The following ACSM1 variants were observed in gnomAD, a reference collection of about 807,000 sequenced individuals.
ACSM1 encodes acyl-CoA synthetase medium chain family member 1.
ACSM1 carries 79 observed loss-of-function variants against 75.8 expected under a neutral mutation model. The observed-to-expected ratio is 1.04, with a 90% CI of 0.87 to 1.26. The LOEUF is 1.26. ACSM1 is among the 50% of genes most tolerant of loss of function. ACSM1 has a pLI of 0.00. For missense variants in ACSM1, 676 were observed against 720.1 expected, an observed-to-expected ratio of 0.94 and a Z score of 0.70; for synonymous variants, 279 against 265.8, an observed-to-expected ratio of 1.05 and a Z score of -0.48.
chr16:20,646,889 CCT>C (rs1447031304), intron 7 of ACSM1, among the ~76,000 whole-genome samples: 1 of 152,224 alleles, frequency 6.6e-6, no homozygotes, highest in Non-Finnish European at 1.5e-5. Flanking sequence ...GAATATACTT[CCT>C]CCAATTCCTG....
intron 7 of ACSM1, among the ~76,000 whole-genome samples, chr16:20,652,333 T>C (rs2152239597): frequency 6.6e-6 from 1 of 152,110 alleles, no homozygotes; most frequent in East Asian, 1.9e-4. Flanking sequence ...GTAAAATATC[T>C]TTGTCTAATT....
At chr16:20,636,657 G>A in intron 10 of ACSM1, 82 bp downstream of exon 10, 2 of 943,920 alleles carry the variant, frequency 2.1e-6, no homozygotes, top group East Asian at 4.8e-5. Context: ...GCAAATAAAA[G>A]AGGACTTGAA....
chr16:20,625,995 G>C (rs2016900125), intron 11 of ACSM1, among the ~76,000 whole-genome samples: 1 of 152,222 alleles, frequency 6.6e-6, no homozygotes, highest in Middle Eastern at 3.4e-3. Flanking sequence ...CATATCCATC[G>C]TCTCACATAA....
chr16:20,663,202 A>G (rs538714278), intron 6 of ACSM1, among the ~76,000 whole-genome samples: 23 of 152,240 alleles, frequency 1.5e-4, no homozygotes. Flanking sequence ...GCTCATAAAT[A>G]TGTTCTCCAT....
At chr16:20,683,196 C>A (rs1334544667) in intron 3 of ACSM1, among the ~76,000 whole-genome samples, 1 of 152,070 alleles carries the variant, frequency 6.6e-6, no homozygotes, top group Non-Finnish European at 1.5e-5. Context: ...GAGCTCACTG[C>A]AACCTCAGCC....
intron 6 of ACSM1, among the ~76,000 whole-genome samples, chr16:20,666,934 C>T (rs1341863092): frequency 6.6e-6 from 1 of 152,082 alleles, no homozygotes; most frequent in Non-Finnish European, 1.5e-5. Context: ...TCGCCATATA[C>T]AAAAATTAAC....
rs148402699 is a variant in ACSM1, at chr16:20,637,385, G to A, written c.1183C>T (p.Pro395Ser). The A allele has an allele frequency of 7.4e-6, 12 of 1,613,988 alleles. No individual in the cohort carries two copies. Among genetic ancestry groups the A allele is most frequent in the African/African-American group, 1.3e-5 (1 of 74,912 alleles). Residue 395 changes from proline (P) to serine (S), a missense_variant, in exon 9 of 14, where the codon CCC (proline) becomes TCC (serine). Transcript: ENST00000520010. The stretch of plus-strand genomic sequence containing the variant: ...TAGGACCAGACCTGGACGTCGTAGG[G>A]TGGAGTGGCCTTCCCCATGAAACCC... ...KPGFMGKATP[P>S]YDVQVIDDKG...
chr16:20,658,795 A>C (rs2019138023), intron 7 of ACSM1, among the ~76,000 whole-genome samples: 1 of 152,202 alleles, frequency 6.6e-6, no homozygotes, highest in South Asian at 2.1e-4. Flanking sequence ...CTATGGAGAC[A>C]AATTGGCCGG....
At chr16:20,647,980 T>A (rs2018452268) in intron 7 of ACSM1, among the ~76,000 whole-genome samples, 1 of 152,212 alleles carries the variant, frequency 6.6e-6, no homozygotes, top group South Asian at 2.1e-4. Context: ...TGTTCCTTTG[T>A]TGGATTACCA....
At chr16:20,672,495 T>TATAA (rs1418749231) in intron 4 of ACSM1, among the ~76,000 whole-genome samples, 9 of 93,290 alleles carry the variant, frequency 9.6e-5, no homozygotes, top group African/African-American at 2.6e-4. Context: ...TATATATATA[T>TATAA]AAAAAACATA....
chr16:20,653,613 GACAA>G (rs904703196), intron 7 of ACSM1, among the ~76,000 whole-genome samples: 122 of 152,210 alleles, frequency 8.0e-4, no homozygotes, highest in African/African-American at 2.8e-3. Context: ...ACCAATAATA[GACAA>G]ACAGAGAGCC....
intron 6 of ACSM1, among the ~76,000 whole-genome samples, chr16:20,666,806 T>C (rs1764214393): frequency 2.0e-5 from 3 of 152,034 alleles, no homozygotes; most frequent in Admixed American, 2.0e-4. Context: ...GCTATAGCCA[T>C]ATGGTCTTCA....
chr16:20,658,810 G>A (rs1253553340), intron 7 of ACSM1, among the ~76,000 whole-genome samples: 2 of 152,178 alleles, frequency 1.3e-5, no homozygotes, highest in East Asian at 3.8e-4. Flanking sequence ...GGCCGGAAAA[G>A]AGATTAAATT....
At chr16:20,657,608 G>GTTT (rs201038837) in intron 7 of ACSM1, among the ~76,000 whole-genome samples, 12 of 148,054 alleles carry the variant, frequency 8.1e-5, no homozygotes, top group Middle Eastern at 3.5e-3. Flanking sequence ...TGTGCCCAAT[G>GTTT]TTTTTTTTTT....
At chr16:20,655,872 AG>A (rs1225203504) in intron 7 of ACSM1, among the ~76,000 whole-genome samples, 14 of 152,172 alleles carry the variant, frequency 9.2e-5, no homozygotes, top group Non-Finnish European at 1.6e-4. Flanking sequence ...CATATTGGCC[AG>A]GCTGGTCTCG....
chr16:20,656,152 C>G (rs2018946107), intron 7 of ACSM1, among the ~76,000 whole-genome samples: 1 of 152,038 alleles, frequency 6.6e-6, no homozygotes, highest in Admixed American at 6.6e-5. Context: ...TTTTTGAAAA[C>G]AGGCAAGTGA....
At chr16:20,663,493 G>A (rs145835211) in intron 6 of ACSM1, among the ~76,000 whole-genome samples, 9 of 152,120 alleles carry the variant, frequency 5.9e-5, no homozygotes, top group Admixed American at 2.0e-4. Flanking sequence ...TGACTCCGCC[G>A]GACTTTGTAG....
chr16:20,671,211 A>C (rs1338775257), intron 5 of ACSM1, among the ~76,000 whole-genome samples: 1 of 152,072 alleles, frequency 6.6e-6, no homozygotes, highest in African/African-American at 2.4e-5. Flanking sequence ...CAGGCTTGTC[A>C]TGTGTGTGGC....
At chr16:20,630,574 T>C (rs1415627981) in intron 10 of ACSM1, among the ~76,000 whole-genome samples, 1 of 152,064 alleles carries the variant, frequency 6.6e-6, no homozygotes, top group African/African-American at 2.4e-5. Context: ...ACAGCAATAG[T>C]TGGAGAATTT....
Sources: gnomAD v4.1 joint callset for allele counts (sites outside exome capture counted in the v4.1 genomes callset) on GRCh38, gnomAD v4.1.1 for gene constraint, MANE v1.5 for transcripts, NCBI Gene and HGNC (gene_info 2026-07-23, HGNC 2026-07-21) for gene names.